Variants in FGR observed in about 807,000 individuals in gnomAD.
FGR encodes FGR proto-oncogene, Src family tyrosine kinase.
A neutral mutation model predicts 63.2 loss-of-function variants in FGR; 26 were observed. The ratio of observed to expected loss-of-function variants is 0.41; its 90% confidence interval spans 0.30 to 0.57. The LOEUF (loss-of-function observed/expected upper bound fraction) is 0.57, where lower values mean the gene tolerates loss of function less well. Among genes scored for constraint, FGR ranks in the 20% least tolerant of loss-of-function variants. The pLI, the probability that FGR is intolerant of heterozygous loss-of-function variation, is 0.27. For synonymous variants in FGR, 286 were observed against 277.7 expected (o/e 1.03, Z -0.30); for missense variants, 511 against 690.8 (o/e 0.74, Z 2.92).
chr1:27,615,915 A>G lies in FGR; in HGVS notation c.683-71T>C. On this transcript the variant is annotated intron_variant, in intron 7 of 12. Transcript: ENST00000374005. This position sits in a 1 kb window ranked among gnomAD's most constrained non-coding sequence, Gnocchi z 7.6. ...CCCCCTCCACTCCTTATCCTATCCC[A>G]GCCTGGTGCCAGACCCTAAGATCAG... is the stretch of plus-strand genomic sequence containing the variant. 3 of 1,448,642 alleles carry G rather than the reference A, an allele frequency of 2.1e-6. No homozygotes were observed. The highest frequency in any genetic ancestry group is 9.2e-7 in the Non-Finnish European group (1 of 1,082,586). 89.7% of individuals were successfully genotyped at this position (1,448,642 alleles called of 1,614,324 possible). A position where few individuals can be genotyped will look rare whatever the true frequency, so the allele number is the denominator to read the frequency against.
chr1:27,620,483 G>A (rs981784136), intron 5 of FGR, among the ~76,000 whole-genome samples: 2 of 152,092 alleles, frequency 1.3e-5, no homozygotes, highest in African/African-American at 4.8e-5. Context: ...CAGGCATGGT[G>A]GCACACACCG....
At chr1:27,633,557 C>T (rs1309347939) in intron 1 of FGR, among the ~76,000 whole-genome samples, 1 of 152,174 alleles carries the variant, frequency 6.6e-6, no homozygotes, top group East Asian at 1.9e-4. Flanking sequence ...GTCTGGTCCC[C>T]CTCCATGCTT....
chr1:27,633,228 G>C (rs1244744264), intron 1 of FGR, among the ~76,000 whole-genome samples: 1 of 152,188 alleles, frequency 6.6e-6, no homozygotes, highest in Non-Finnish European at 1.5e-5. Flanking sequence ...GGCTACATCA[G>C]AGACGAGATG....
At chr1:27,623,546 C>A in intron 3 of FGR, 145 bp downstream of exon 3, 1 of 825,966 alleles carries the variant, frequency 1.2e-6, no homozygotes, top group Non-Finnish European at 2.0e-6. Flanking sequence ...GCTGTACAGA[C>A]TCCCTCAGCC....
rs1385425342 is a variant in FGR, at chr1:27,614,432, T to C, written c.1247A>G (p.Gln416Arg). The C allele has an allele frequency of 3.1e-6, 5 of 1,611,716 alleles. No individual in the cohort carries two copies. In the East Asian group the frequency reaches 6.7e-5, roughly 22 times the overall value. Residue 416 changes from glutamine (Q) to arginine (R), a missense_variant and splice_region_variant, in exon 11 of 13, where the codon CAA becomes CGA. Physicochemically the swap from Gln to Arg is conservative, Grantham distance 43. Transcript: ENST00000374005. ...GAAGGTGGGGTGAAGCAGGGCACCT[T>C]GGCAGGGGTTGTACTCATCGTCCTT... Reference protein sequence around the residue: ...LIKDDEYNPCQGSKFPIKWTA... With the variant: ...LIKDDEYNPCRGSKFPIKWTA...
chr1:27,624,162 A>G lies in FGR; in HGVS notation c.-13-233T>C, dbSNP rs2231866. On this transcript the variant is annotated intron_variant, in intron 2 of 12. Transcript: ENST00000374005. ...CTTCTCTTCCCATTGGCTCATGTCT[A>G]TATCTCTGGGGCTGGCTTTCTACAT... 8.1e-4 allele frequency: 383 copies of G among 475,570 alleles called. 2 individuals are homozygous for G. Among genetic ancestry groups the G allele is most frequent in the African/African-American group, 3.0e-3 (151 of 51,056 alleles). The allele number at this position is 475,570 out of a possible 1,614,324, so 29.5% of individuals were successfully genotyped here. A position where few individuals can be genotyped will look rare whatever the true frequency, so the allele number is the denominator to read the frequency against.
chr1:27,618,136 G>A (rs1196237055), intron 5 of FGR, among the ~76,000 whole-genome samples: 1 of 152,162 alleles, frequency 6.6e-6, no homozygotes, highest in Non-Finnish European at 1.5e-5. Context: ...TGGGTACTAG[G>A]CACAGTTCAG....
chr1:27,620,780 C>G (rs12075682), intron 5 of FGR, among the ~76,000 whole-genome samples: 2 of 148,902 alleles, frequency 1.3e-5, no homozygotes, highest in Non-Finnish European at 3.0e-5. Flanking sequence ...AATCCCTGAA[C>G]TTTGGGAGGC....
At chr1:27,629,183 G>A (rs956931175) in intron 1 of FGR, among the ~76,000 whole-genome samples, 6 of 151,940 alleles carry the variant, frequency 3.9e-5, no homozygotes, top group South Asian at 2.1e-4. Flanking sequence ...GAAACACAGC[G>A]TGGTATGCTG....
chr1:27,615,906 T>A lies in FGR; in HGVS notation c.683-62A>T, dbSNP rs1242319024. 15 of 1,473,606 alleles carry A rather than the reference T, an allele frequency of 1.0e-5. No individual in the cohort carries two copies. The highest frequency in any genetic ancestry group is 1.2e-5 in the Non-Finnish European group (13 of 1,098,406). 91.3% of individuals were successfully genotyped at this position (1,473,606 alleles called of 1,614,324 possible). ...CCAGGACACCCCCCTCCACTCCTTA[T>A]CCTATCCCAGCCTGGTGCCAGACCC... is the stretch of plus-strand genomic sequence containing the variant. On this transcript the variant is annotated intron_variant, in intron 7 of 12. Coordinates refer to ENST00000374005, the MANE Select transcript of FGR (RefSeq NM_005248.3). The surrounding 1 kb of genome is among the most constrained non-coding windows in gnomAD (Gnocchi z 7.6).
In FGR at chr1:27,623,686, C is replaced by T. The variant is rs769276889; in HGVS notation, c.226+5G>A. On this transcript the variant is annotated splice_donor_5th_base_variant and intron_variant, in intron 3 of 12. Transcript: ENST00000374005. ...CAGCTCCTGCCTCCGACCCCTTGGA[C>T]TCACCTGACACACCCCTGATGGTGC... 3.7e-6 allele frequency: 6 copies of T among 1,614,104 alleles called. No individual in the cohort carries two copies. Among genetic ancestry groups the T allele is most frequent in the Non-Finnish European group, 4.2e-6 (5 of 1,179,972 alleles).
At chr1:27,627,590 T>C (rs2148531083) in intron 1 of FGR, among the ~76,000 whole-genome samples, 1 of 152,188 alleles carries the variant, frequency 6.6e-6, no homozygotes, top group East Asian at 1.9e-4. Flanking sequence ...AACCCTATGA[T>C]TTAAGTAGTA....
At chr1:27,632,229 C>T (rs377014794) in intron 1 of FGR, among the ~76,000 whole-genome samples, 4 of 151,776 alleles carry the variant, frequency 2.6e-5, no homozygotes, top group Non-Finnish European at 4.4e-5. Context: ...CTCTGCCTCC[C>T]GGGTTCAAGC....
intron 1 of FGR, chr1:27,626,122 A>T (rs1028161733): frequency 2.5e-6 from 1 of 398,564 alleles, no homozygotes; most frequent in Non-Finnish European, 4.4e-6. Context: ...TACCTTGGGA[A>T]GCCCCACAAT....
chr1:27,616,811 A>G lies in FGR; in HGVS notation c.682+46T>C, dbSNP rs750727494. The G allele has an allele frequency of 1.2e-6, 2 of 1,600,058 alleles. No homozygotes were observed. The highest frequency in any genetic ancestry group is 1.7e-5 in the Admixed American group (1 of 59,960). On this transcript the variant is annotated intron_variant, in intron 7 of 12. Transcript: ENST00000374005. This position sits in a 1 kb window ranked among gnomAD's most constrained non-coding sequence, Gnocchi z 4.3. ...TGGGCCTCAGTTCCCCCATCTGGACAATGCTTCAGTTGGTTGGTTCAGGGA... is the reference window on the plus strand; with the variant it reads ...TGGGCCTCAGTTCCCCCATCTGGACGATGCTTCAGTTGGTTGGTTCAGGGA...
At chr1:27,614,963 C>A in intron 9 of FGR, 37 bp from the exon 10 acceptor site, 3 of 1,536,740 alleles carry the variant, frequency 2.0e-6, no homozygotes, top group Middle Eastern at 1.8e-4. Flanking sequence ...CAAAGCCCTA[C>A]CCCGGGCCCC....
At chr1:27,619,352 G>A (rs1310867676) in intron 5 of FGR, among the ~76,000 whole-genome samples, 32 of 152,006 alleles carry the variant, frequency 2.1e-4, no homozygotes, top group African/African-American at 1.2e-4. Context: ...CACTACACCC[G>A]GCTAATTTTT....
chr1:27,619,666 T>C (rs1200778788), intron 5 of FGR, among the ~76,000 whole-genome samples: 2 of 152,262 alleles, frequency 1.3e-5, no homozygotes, highest in African/African-American at 2.4e-5. Context: ...CATGGGCTGG[T>C]TGCCTGCCAT....
chr1:27,628,857 G>T (rs1232457912), intron 1 of FGR, among the ~76,000 whole-genome samples: 1 of 152,168 alleles, frequency 6.6e-6, no homozygotes, highest in Non-Finnish European at 1.5e-5. Flanking sequence ...CAGCTCTTGG[G>T]TCTTATCACT....
Sources: allele counts gnomAD v4.1 joint callset (sites outside exome capture counted in the v4.1 genomes callset), GRCh38; gene constraint gnomAD v4.1.1; non-coding constraint Gnocchi (gnomAD v3.1); transcripts MANE v1.5; gene names NCBI Gene and HGNC (gene_info 2026-07-23, HGNC 2026-07-21).